The following SLC25A21 variants were observed in gnomAD, a reference collection of about 807,000 sequenced individuals.
SLC25A21 encodes solute carrier family 25 member 21.
SLC25A21 carries 47 observed loss-of-function variants against 43.8 expected under a neutral mutation model. The observed-to-expected ratio is 1.07, with a 90% CI of 0.85 to 1.37. The LOEUF (loss-of-function observed/expected upper bound fraction) is 1.37, where lower values mean the gene tolerates loss of function less well. SLC25A21 is among the 40% of genes most tolerant of loss of function. The probability of loss-of-function intolerance (pLI) is 0.00; values close to 1 mark genes in which losing one functional copy is unlikely to be tolerated. For synonymous variants in SLC25A21, 131 were observed against 121.3 expected (o/e 1.08, Z -0.52); for missense variants, 352 against 350.2 (o/e 1.00, Z -0.04).
intron 1 of SLC25A21, among the ~76,000 whole-genome samples, chr14:37,122,871 CA>C (rs1265330127): frequency 6.6e-6 from 1 of 152,168 alleles, no homozygotes; most frequent in Non-Finnish European, 1.5e-5. Context: ...AGAAATCAAC[CA>C]AAAAATCCTC....
chr14:37,019,670 G>C (rs1450814459), intron 1 of SLC25A21, among the ~76,000 whole-genome samples: 1 of 151,704 alleles, frequency 6.6e-6, no homozygotes, highest in Non-Finnish European at 1.5e-5. Flanking sequence ...AATTAAAAAA[G>C]TGTGTAAGAG....
At chr14:36,892,439 T>C (rs1479426666) in intron 1 of SLC25A21, among the ~76,000 whole-genome samples, 1 of 152,128 alleles carries the variant, frequency 6.6e-6, no homozygotes, top group African/African-American at 2.4e-5. Context: ...TGAAATGCTA[T>C]TAAGCCATAA....
At chr14:37,097,871 T>C (rs1962731300) in intron 1 of SLC25A21, 1 of 128,138 alleles carries the variant, frequency 7.8e-6, no homozygotes, top group Non-Finnish European at 1.7e-5. Context: ...GCAACAAGAC[T>C]GAAATTCATC....
Position 36,973,496 on chromosome 14 carries a change from G to A in SLC25A21, c.71-98492C>T, listed in dbSNP as rs902193636. Among the ~76,000 whole-genome samples the A allele has an allele frequency of 6.6e-5, 10 of 152,182 alleles. No individual in the cohort carries two copies. In the East Asian group the frequency reaches 1.9e-3, roughly 29 times the overall value. On this transcript the variant is annotated intron_variant, in intron 1 of 9. Coordinates refer to ENST00000331299, the MANE Select transcript of SLC25A21 (RefSeq NM_030631.4). The stretch of plus-strand genomic sequence containing the variant: ...GACTGTCTGCTTCCATTACCAGAAA[G>A]AGAGACATGATGAATTTATTGCATT...
chr14:36,727,570 C>T (rs1884651367), intron 5 of SLC25A21, among the ~76,000 whole-genome samples: 1 of 152,168 alleles, frequency 6.6e-6, no homozygotes, highest in Non-Finnish European at 1.5e-5. Context: ...TGCCTGTAAT[C>T]CCAGCTTCTG....
intron 1 of SLC25A21, among the ~76,000 whole-genome samples, chr14:37,032,305 G>C (rs1450428158): frequency 3.9e-5 from 6 of 152,106 alleles, no homozygotes; most frequent in Non-Finnish European, 8.8e-5. Context: ...GGAGGCTGAG[G>C]CTGGTGGATC....
At chr14:36,947,937 A>G (rs1306421268) in intron 1 of SLC25A21, among the ~76,000 whole-genome samples, 1 of 152,194 alleles carries the variant, frequency 6.6e-6, no homozygotes, top group Non-Finnish European at 1.5e-5. Context: ...AAATAGTGAA[A>G]GCTTCTCAAG....
intron 1 of SLC25A21, among the ~76,000 whole-genome samples, chr14:37,077,037 C>A (rs993764824): frequency 6.6e-6 from 1 of 152,132 alleles, no homozygotes; most frequent in South Asian, 2.1e-4. Context: ...AAAATTTGAG[C>A]TGTTTGTAAC....
At chr14:37,019,220 T>C (rs1168191153) in intron 1 of SLC25A21, among the ~76,000 whole-genome samples, 1 of 151,944 alleles carries the variant, frequency 6.6e-6, no homozygotes, top group Non-Finnish European at 1.5e-5. Context: ...ACTTCAGCCA[T>C]GTGGCCTCTT....
chr14:36,777,199 A>T (rs1886868405), intron 3 of SLC25A21, among the ~76,000 whole-genome samples: 1 of 152,196 alleles, frequency 6.6e-6, no homozygotes, highest in Non-Finnish European at 1.5e-5. Context: ...CGGATGTTGC[A>T]ATGAGCTGAG....
At chr14:37,099,724 C>T (rs1460688425) in intron 1 of SLC25A21, among the ~76,000 whole-genome samples, 8 of 152,112 alleles carry the variant, frequency 5.3e-5, no homozygotes, top group Admixed American at 5.2e-4. Flanking sequence ...ATATTGGGAA[C>T]TTTAAATGTA....
intron 3 of SLC25A21, among the ~76,000 whole-genome samples, chr14:36,776,361 C>G (rs4900300): frequency 6.7e-6 from 1 of 150,220 alleles, no homozygotes; most frequent in East Asian, 2.0e-4. Flanking sequence ...CTCAGCCTCC[C>G]GAGTAGCTGG....
At chr14:37,076,306 G>C (rs1429764804) in intron 1 of SLC25A21, among the ~76,000 whole-genome samples, 1 of 151,180 alleles carries the variant, frequency 6.6e-6, no homozygotes, top group African/African-American at 2.4e-5. Flanking sequence ...GATTACAGGC[G>C]TGCATCACCA....
At chr14:36,894,876 C>G (rs1039243417) in intron 1 of SLC25A21, among the ~76,000 whole-genome samples, 7 of 152,110 alleles carry the variant, frequency 4.6e-5, no homozygotes, top group African/African-American at 1.7e-4. Flanking sequence ...AGCCTTGCAT[C>G]CCAGGGATGA....
At chr14:36,888,829 A>G (rs1254582948) in intron 1 of SLC25A21, among the ~76,000 whole-genome samples, 1 of 152,178 alleles carries the variant, frequency 6.6e-6, no homozygotes, top group African/African-American at 2.4e-5. Context: ...TGTTACCATT[A>G]AAGAAAAAGA....
intron 2 of SLC25A21, among the ~76,000 whole-genome samples, chr14:36,837,447 C>T (rs1165299041): frequency 2.0e-5 from 3 of 151,980 alleles, no homozygotes; most frequent in Non-Finnish European, 4.4e-5. Context: ...CGTTTAGGGT[C>T]GCTTTGCCAA....
At chr14:37,147,552 G>C (rs956173611) in intron 1 of SLC25A21, among the ~76,000 whole-genome samples, 4 of 151,712 alleles carry the variant, frequency 2.6e-5, no homozygotes, top group African/African-American at 9.7e-5. Flanking sequence ...CAGAAGGACA[G>C]AGGACCCTAT....
At chr14:36,813,238 C>T (rs1566639057) in intron 3 of SLC25A21, among the ~76,000 whole-genome samples, 3 of 152,110 alleles carry the variant, frequency 2.0e-5, no homozygotes, top group Admixed American at 1.3e-4. Context: ...AACAGACACA[C>T]GCACACATAT....
intron 1 of SLC25A21, among the ~76,000 whole-genome samples, chr14:37,045,027 G>T (rs543462824): frequency 6.6e-6 from 1 of 152,242 alleles, no homozygotes; most frequent in East Asian, 1.9e-4. Context: ...AGACAGTCTG[G>T]TTTCCCACTC....
Sources: gnomAD v4.1 joint callset for allele counts (sites outside exome capture counted in the v4.1 genomes callset) on GRCh38, gnomAD v4.1.1 for gene constraint, MANE v1.5 for transcripts, NCBI Gene and HGNC (gene_info 2026-07-23, HGNC 2026-07-21) for gene names.